Variants in ABCC1 observed in about 807,000 individuals in gnomAD.
ABCC1 encodes the protein ATP binding cassette subfamily C member 1 (ABCC1 blood group).
Under a neutral mutation model 172.9 loss-of-function variants are expected in ABCC1, and 83 were observed. The ratio of observed to expected loss-of-function variants is 0.48; its 90% confidence interval spans 0.40 to 0.58. The LOEUF is 0.58. ABCC1 is among the 20% of genes least tolerant of loss of function. ABCC1 has a pLI of 0.00. For missense variants in ABCC1, 1,817 were observed against 2,002.7 expected (o/e 0.91, Z 1.77); for synonymous variants, 937 against 825.2 (o/e 1.14, Z -2.32).
chr16:15,949,827 G>A, intron 1 of ABCC1, 28 bp downstream of exon 1: 1 of 1,192,756 alleles, frequency 8.4e-7, no homozygotes, highest in Non-Finnish European at 1.0e-6. Flanking sequence ...CGTGAGGCCG[G>A]CGGGACGGAG....
chr16:16,096,142 T>C (rs1306963211), intron 19 of ABCC1, among the ~76,000 whole-genome samples: 1 of 151,716 alleles, frequency 6.6e-6, no homozygotes, highest in Non-Finnish European at 1.5e-5. Context: ...GGCAGGAGAA[T>C]AGCGTGAATC....
chr16:15,961,021 TTTTA>T (rs71134491), intron 1 of ABCC1, among the ~76,000 whole-genome samples: 75,093 of 124,678 alleles, frequency 0.6, 22,485 homozygotes, highest in Non-Finnish European at 0.68. Flanking sequence ...TTTTTTTTTT[TTTTA>T]AAATAGATGG....
chr16:16,069,230 C>T (rs1287285577), intron 13 of ABCC1, among the ~76,000 whole-genome samples: 5 of 150,492 alleles, frequency 3.3e-5, no homozygotes, highest in African/African-American at 4.9e-5. Flanking sequence ...GAAAATTAGC[C>T]AGGCATGGTG....
At chr16:15,972,169 C>G (rs1031442447) in intron 1 of ABCC1, among the ~76,000 whole-genome samples, 2 of 152,020 alleles carry the variant, frequency 1.3e-5, no homozygotes, top group Admixed American at 6.6e-5. Flanking sequence ...ATGTCACTAG[C>G]AAGGAGTGGA....
chr16:16,055,047 T>A (rs1194335934), intron 11 of ABCC1, among the ~76,000 whole-genome samples: 1 of 152,028 alleles, frequency 6.6e-6, no homozygotes, highest in African/African-American at 2.4e-5. Context: ...CTGAGCAACA[T>A]AGCAAGGTGC....
At chr16:16,054,925 A>G (rs1219823854) in intron 11 of ABCC1, among the ~76,000 whole-genome samples, 1 of 152,178 alleles carries the variant, frequency 6.6e-6, no homozygotes, top group Admixed American at 6.5e-5. Context: ...GTACAGAAAC[A>G]TTTCACTATT....
chr16:16,097,157 G>C (rs1446305521), intron 19 of ABCC1, among the ~76,000 whole-genome samples: 1 of 152,120 alleles, frequency 6.6e-6, no homozygotes, highest in Non-Finnish European at 1.5e-5. Context: ...CTGTTGCCCA[G>C]GCTGGAGTGC....
At chr16:16,110,114 T>C (rs1288279749) in intron 21 of ABCC1, among the ~76,000 whole-genome samples, 1 of 150,304 alleles carries the variant, frequency 6.7e-6, no homozygotes, top group Non-Finnish European at 1.5e-5. Flanking sequence ...TTTTTTTTTT[T>C]TTCCCCCTGG....
At chr16:15,954,301 A>G (rs1463334224) in intron 1 of ABCC1, among the ~76,000 whole-genome samples, 1 of 151,916 alleles carries the variant, frequency 6.6e-6, no homozygotes, top group Non-Finnish European at 1.5e-5. Flanking sequence ...AGTGTTGGGG[A>G]TTGCAAGCGT....
chr16:16,102,601 T>C, intron 19 of ABCC1, 26 bp from the exon 20 acceptor site: 1 of 1,557,176 alleles, frequency 6.4e-7, no homozygotes, highest in Non-Finnish European at 8.7e-7. Flanking sequence ...TAACCCCACT[T>C]GCCCCCTTTG....
At chr16:16,004,733 C>T (rs1405005192) in intron 1 of ABCC1, among the ~76,000 whole-genome samples, 1 of 148,960 alleles carries the variant, frequency 6.7e-6, no homozygotes, top group Admixed American at 6.8e-5. Context: ...CAGCTCACTG[C>T]AACCTTTGCC....
chr16:16,136,723 C>T (rs2045931508), intron 29 of ABCC1, 79 bp downstream of exon 29: 22 of 1,488,394 alleles, frequency 1.5e-5, no homozygotes, highest in Middle Eastern at 3.8e-4. Context: ...AGATTCTGTC[C>T]AGATCTGTGT....
At chr16:16,089,805 C>G (rs954684995) in intron 18 of ABCC1, among the ~76,000 whole-genome samples, 1 of 149,422 alleles carries the variant, frequency 6.7e-6, no homozygotes, top group Admixed American at 6.7e-5. Context: ...TGCTTGAACC[C>G]GGGAGGCGGA....
intron 17 of ABCC1, among the ~76,000 whole-genome samples, chr16:16,083,996 G>A (rs1028882753): frequency 2.0e-5 from 3 of 152,068 alleles, no homozygotes; most frequent in Non-Finnish European, 4.4e-5. Context: ...GAGGGGAGTC[G>A]ATGATTCATA....
At chr16:16,053,146 T>TC in intron 11 of ABCC1, among the ~76,000 whole-genome samples, 1 of 152,310 alleles carries the variant, frequency 6.6e-6, no homozygotes, top group Middle Eastern at 3.4e-3. Flanking sequence ...TCTGAGAAAG[T>TC]CCTTGTTTCC....
chr16:16,070,392 C>G (rs1478710658), intron 13 of ABCC1, among the ~76,000 whole-genome samples: 2 of 151,778 alleles, frequency 1.3e-5, no homozygotes, highest in African/African-American at 4.8e-5. Context: ...AGGTTGGGCG[C>G]AGTGGCTCAT....
intron 10 of ABCC1, among the ~76,000 whole-genome samples, chr16:16,050,930 G>A (rs2049405306): frequency 1.3e-5 from 2 of 151,920 alleles, no homozygotes; most frequent in Non-Finnish European, 2.9e-5. Context: ...TCTAAATAAA[G>A]TGTCTTTTCA....
rs778697425 is a variant in ABCC1 at position 16,122,009 on chromosome 16, G to A, written c.3425G>A (p.Arg1142His). The A allele has an allele frequency of 5.0e-6, 8 of 1,614,062 alleles. No individual in the cohort carries two copies. Among genetic ancestry groups the A allele is most frequent in the East Asian group, 2.2e-5 (1 of 44,894 alleles). The change falls in exon 24 of 31, where the codon CGC becomes CAC. Residue 1142 changes from arginine (R) to histidine (H), a missense_variant. Physicochemically the swap from Arg to His is conservative, Grantham distance 29. Around this residue, in one of 3 missense-constraint regions of ABCC1, gnomAD observed 1,412 missense variants for 1,600.3 expected, o/e 0.88. Transcript: ENST00000399410. ...GTGGCTTCCTCCCGGCAGCTGAAGC[G>A]CCTCGAGTCGGTCAGCCGCTCCCCG... ...FYVASSRQLK[R>H]LESVSRSPVY...
chr16:16,083,995 CGAT>C (rs750170361), intron 17 of ABCC1, among the ~76,000 whole-genome samples: 41 of 152,176 alleles, frequency 2.7e-4, no homozygotes, highest in Non-Finnish European at 4.0e-4. Flanking sequence ...GGAGGGGAGT[CGAT>C]GATTCATATG....
Sources: allele counts gnomAD v4.1 joint callset (sites outside exome capture counted in the v4.1 genomes callset), GRCh38; gene constraint gnomAD v4.1.1; regional missense constraint gnomAD v4.1.1; transcripts MANE v1.5; gene names NCBI Gene and HGNC (gene_info 2026-07-23, HGNC 2026-07-21).